The following RYR2 variants were observed in gnomAD, a reference collection of about 807,000 sequenced individuals.
The protein encoded by RYR2 is cardiac muscle ryanodine receptor-calcium release channel.
Under a neutral mutation model 601.1 loss-of-function variants are expected in RYR2, and 227 were observed. That is an observed-to-expected ratio of 0.38 (90% CI 0.34 to 0.42). The LOEUF (loss-of-function observed/expected upper bound fraction) is 0.42. Among genes scored for constraint, RYR2 ranks in the 10% least tolerant of loss-of-function variants. The probability of loss-of-function intolerance (pLI) is 1.00; values close to 1 mark genes in which losing one functional copy is unlikely to be tolerated. For missense variants in RYR2, 4,646 were observed against 6,156.5 expected, an observed-to-expected ratio of 0.75 and a Z score of 8.21; for synonymous variants, 2,223 against 2,175.1, an observed-to-expected ratio of 1.02 and a Z score of -0.61.
intron 75 of RYR2, 131 bp from the exon 76 acceptor site, chr1:237,726,956 C>CTTAATAGGGG: frequency 1.7e-6 from 1 of 575,732 alleles, no homozygotes; most frequent in Non-Finnish European, 3.1e-6. Flanking sequence ...AATTGGAATT[C>CTTAATAGGGG]CAAATATAGA....
At chr1:237,273,685 A>G (rs1689943252) in intron 2 of RYR2, among the ~76,000 whole-genome samples, 1 of 152,022 alleles carries the variant, frequency 6.6e-6, no homozygotes, top group African/African-American at 2.4e-5. Flanking sequence ...CTAAAAGTAA[A>G]TATAACTTTC....
In RYR2 at chr1:237,590,666, C is replaced by T. The variant is rs1553514916; in HGVS notation, c.3834C>T (p.Asp1278=). ...IEVTRIDGTI[D]SSPCLKVTQK... ...TGACCAGAATAGACGGCACCATAGA[C>T]AGTTCCCCATGTTTAAAGGTCACTC... The change falls in exon 31 of 105, where the codon GAC becomes GAT. Residue 1278 remains aspartate, a synonymous_variant. Transcript: ENST00000366574. 12 of 1,558,890 alleles carry T rather than the reference C, an allele frequency of 7.7e-6. No homozygotes were observed. The highest frequency in any genetic ancestry group is 9.5e-6 in the Non-Finnish European group (11 of 1,151,858).
At position 237,330,870 on chromosome 1, in the gene RYR2, C is replaced by A; in HGVS notation, c.169-8C>A. The stretch of plus-strand genomic sequence containing the variant: ...ATGCTGCTGACTGCTCTTCCTCTTT[C>A]TGTGCAGAATGTGCCCCCAGACCTC... On this transcript the variant is annotated splice_region_variant and splice_polypyrimidine_tract_variant and intron_variant, in intron 2 of 104. Transcript: ENST00000366574. The A allele has an allele frequency of 6.2e-7, 1 of 1,611,024 alleles. No homozygotes were observed. The highest frequency in any genetic ancestry group is 8.5e-7 in the Non-Finnish European group (1 of 1,177,202).
intron 2 of RYR2, among the ~76,000 whole-genome samples, chr1:237,274,162 TA>T (rs1432366824): frequency 2.7e-5 from 4 of 149,390 alleles, no homozygotes; most frequent in Non-Finnish European, 5.9e-5. Flanking sequence ...TATTTAAATA[TA>T]AAAATGCATA....
intron 2 of RYR2, among the ~76,000 whole-genome samples, chr1:237,283,265 T>A (rs996962796): frequency 2.0e-5 from 3 of 152,190 alleles, no homozygotes; most frequent in African/African-American, 7.2e-5. Context: ...CCTGTCTACC[T>A]GGTTGCTTTC....
intron 40 of RYR2, 55 bp downstream of exon 40, chr1:237,625,859 A>G (rs1195489892): frequency 6.3e-7 from 1 of 1,582,294 alleles, no homozygotes; most frequent in Non-Finnish European, 8.6e-7. Context: ...CACTTAACTC[A>G]TCCTTTGAAC....
intron 34 of RYR2, among the ~76,000 whole-genome samples, chr1:237,598,536 A>T (rs894460008): frequency 1.1e-4 from 16 of 152,212 alleles, no homozygotes; most frequent in African/African-American, 3.9e-4. Context: ...ATACATAGAC[A>T]TTAAACAACA....
chr1:237,647,768 C>T (rs563810834), intron 48 of RYR2, among the ~76,000 whole-genome samples: 7 of 152,284 alleles, frequency 4.6e-5, no homozygotes, highest in African/African-American at 1.7e-4. Flanking sequence ...ATAAATTCTT[C>T]AGTATTTGAA....
intron 1 of RYR2, among the ~76,000 whole-genome samples, chr1:237,167,123 T>C (rs758461527): frequency 2.0e-5 from 3 of 152,230 alleles, no homozygotes; most frequent in Non-Finnish European, 4.4e-5. Flanking sequence ...TGTTGAATAT[T>C]TGATGAAACC....
chr1:237,311,537 T>C (rs1181079174), intron 2 of RYR2, among the ~76,000 whole-genome samples: 1 of 151,954 alleles, frequency 6.6e-6, no homozygotes, highest in Non-Finnish European at 1.5e-5. Flanking sequence ...TGGTGTGCAG[T>C]GGCAAGATCT....
chr1:237,382,006 G>A (rs1701561531), intron 8 of RYR2, among the ~76,000 whole-genome samples: 1 of 152,112 alleles, frequency 6.6e-6, no homozygotes, highest in African/African-American at 2.4e-5. Flanking sequence ...AAAAAACATG[G>A]CCAAGTAGAT....
At chr1:237,188,248 A>G (rs1342939450) in intron 1 of RYR2, among the ~76,000 whole-genome samples, 2 of 64,474 alleles carry the variant, frequency 3.1e-5, no homozygotes, top group East Asian at 4.5e-4. Flanking sequence ...TTTAAAGTTC[A>G]GCATTGCTTT....
intron 25 of RYR2, among the ~76,000 whole-genome samples, chr1:237,547,933 AG>A (rs1317312711): frequency 1.3e-5 from 2 of 152,216 alleles, no homozygotes; most frequent in East Asian, 1.9e-4. Context: ...TAGGAATGAC[AG>A]TAAGGAAATA....
chr1:237,368,867 A>G (rs993014525), intron 5 of RYR2, among the ~76,000 whole-genome samples: 4 of 151,756 alleles, frequency 2.6e-5, no homozygotes, highest in African/African-American at 7.3e-5. Flanking sequence ...TCTGTTGCCC[A>G]GGCTGGAGTG....
chr1:237,641,273 GAAGAA>G (rs1424415533), intron 47 of RYR2, among the ~76,000 whole-genome samples: 3 of 152,076 alleles, frequency 2.0e-5, no homozygotes, highest in African/African-American at 7.2e-5. Context: ...CACATTTTAA[GAAGAA>G]AAGAACATAT....
intron 2 of RYR2, among the ~76,000 whole-genome samples, chr1:237,299,417 G>T (rs565760286): frequency 4.1e-4 from 63 of 152,172 alleles, no homozygotes; most frequent in Non-Finnish European, 8.1e-4. Flanking sequence ...AATAAGAGAA[G>T]GAATTATACA....
At chr1:237,832,385 A>AGAT (rs1307924877) in intron 104 of RYR2, among the ~76,000 whole-genome samples, 167 bp from the exon 105 acceptor site, 2 of 152,088 alleles carry the variant, frequency 1.3e-5, no homozygotes, top group African/African-American at 2.4e-5. Context: ...GTCAGGATGA[A>AGAT]GATTATTATG....
intron 1 of RYR2, among the ~76,000 whole-genome samples, chr1:237,107,498 A>C (rs113582565): frequency 0.014 from 1,495 of 106,594 alleles, 21 homozygotes; most frequent in South Asian, 0.041. Context: ...CCAGCCTGGG[A>C]GACAGAGTGA....
chr1:237,573,812 T>A (rs1449465636), intron 29 of RYR2, among the ~76,000 whole-genome samples: 1 of 151,468 alleles, frequency 6.6e-6, no homozygotes, highest in Non-Finnish European at 1.5e-5. Context: ...AGACTCCGTC[T>A]GAAAAAAAAT....
Sources: gnomAD v4.1 joint callset for allele counts (sites outside exome capture counted in the v4.1 genomes callset) on GRCh38, gnomAD v4.1.1 for gene constraint, MANE v1.5 for transcripts, NCBI Gene and HGNC (gene_info 2026-07-23, HGNC 2026-07-21) for gene names.